Variants in RORA observed in about 807,000 individuals in gnomAD.
RORA encodes RAR related orphan receptor A.
Under a neutral mutation model 69.5 loss-of-function variants are expected in RORA, and 7 were observed. That is an observed-to-expected ratio of 0.10 (90% CI 0.06 to 0.19). The LOEUF is 0.19. Ranked by LOEUF, RORA falls within the 10% of genes least tolerant of loss-of-function variation. RORA has a pLI of 1.00. For missense variants in RORA, 457 were observed against 663.0 expected (o/e 0.69, Z 3.41); for synonymous variants, 261 against 240.8 (o/e 1.08, Z -0.78).
intron 2 of RORA, among the ~76,000 whole-genome samples, chr15:60,594,582 G>A (rs2068626856): frequency 1.3e-5 from 2 of 152,196 alleles, no homozygotes. Flanking sequence ...TAGCTCTAGC[G>A]TGCCTTGTGA....
At chr15:61,067,214 C>A (rs879641475) in intron 1 of RORA, among the ~76,000 whole-genome samples, 1 of 151,324 alleles carries the variant, frequency 6.6e-6, no homozygotes, top group African/African-American at 2.4e-5. Flanking sequence ...CGGGTTCAAG[C>A]GATTCTCCTG....
At chr15:60,692,958 G>A (rs530272186) in intron 1 of RORA, among the ~76,000 whole-genome samples, 3 of 152,302 alleles carry the variant, frequency 2.0e-5, no homozygotes, top group Admixed American at 6.5e-5. Flanking sequence ...TATGAGGCCA[G>A]CATCATCCTG....
intron 1 of RORA, among the ~76,000 whole-genome samples, chr15:60,694,689 C>T (rs1427024631): frequency 6.6e-6 from 1 of 152,176 alleles, no homozygotes; most frequent in Non-Finnish European, 1.5e-5. Flanking sequence ...GCATGTGGAT[C>T]AATCCTGCCA....
chr15:60,511,656 T>A lies in RORA; in HGVS notation c.425-35A>T. 1 of 1,549,866 alleles carries A rather than the reference T, an allele frequency of 6.5e-7. No individual in the cohort carries two copies. The highest frequency in any genetic ancestry group is 8.7e-7 in the Non-Finnish European group (1 of 1,149,874). On this transcript the variant is annotated intron_variant, in intron 4 of 10. Transcript: ENST00000335670. This position sits in a 1 kb window ranked among gnomAD's most constrained non-coding sequence, Gnocchi z 6.4. ...AAAAGCCAAACCATACTACATACAA[T>A]GCGCTTTTCTTCAATATTCTCTCCT...
intron 1 of RORA, among the ~76,000 whole-genome samples, chr15:61,079,834 G>C (rs958887745): frequency 6.6e-6 from 1 of 152,182 alleles, no homozygotes; most frequent in Non-Finnish European, 1.5e-5. Context: ...TGAAGAGCTC[G>C]TGTTTTGAAT....
intron 1 of RORA, among the ~76,000 whole-genome samples, chr15:60,920,007 C>T (rs1407048933): frequency 6.6e-6 from 1 of 152,102 alleles, no homozygotes; most frequent in Non-Finnish European, 1.5e-5. Flanking sequence ...ACTGTGCTAA[C>T]TGCATACGAA....
At chr15:61,197,623 T>G (rs1225941502) in intron 1 of RORA, among the ~76,000 whole-genome samples, 1 of 152,098 alleles carries the variant, frequency 6.6e-6, no homozygotes, top group Non-Finnish European at 1.5e-5. Flanking sequence ...CTCCGTCAGG[T>G]GAGGCTGAGA....
rs769183586 is a variant in RORA at position 61,151,479 on chromosome 15, T to G, written c.166+77574A>C. ...CTAATCATTATTAAGTCATAATTTT[T>G]GGGTACCAAATGAAGCTTACTAGGC... On this transcript the variant is annotated intron_variant, in intron 1 of 10. Coordinates refer to ENST00000335670, the MANE Select transcript of RORA (RefSeq NM_134261.3). Among the ~76,000 whole-genome samples the G allele has an allele frequency of 7.5e-4, 114 of 152,354 alleles. 1 individual carries two copies. Among genetic ancestry groups the G allele is most frequent in the Admixed American group, 3.4e-3 (52 of 15,300 alleles).
chr15:60,597,589 T>TATAC lies in RORA; in HGVS notation c.197-65739_197-65738insGTAT, dbSNP rs1555435998. Among the ~76,000 whole-genome samples the TATAC allele has an allele frequency of 4.8e-4, 11 of 22,888 alleles. 3 individuals carry two copies. Among genetic ancestry groups the TATAC allele is most frequent in the South Asian group, 5.2e-3 (2 of 386 alleles). The allele number at this position is 22,888 out of a possible 152,430, so 15.0% of individuals were successfully genotyped here. On this transcript the variant is annotated intron_variant, in intron 2 of 10. Transcript: ENST00000335670. ...ATATATATATACACATATATATATA[T>TATAC]ATATACACATATATATATATATATA...
At chr15:60,718,946 G>C (rs771258591) in intron 1 of RORA, among the ~76,000 whole-genome samples, 8 of 152,112 alleles carry the variant, frequency 5.3e-5, no homozygotes, top group Non-Finnish European at 8.8e-5. Flanking sequence ...AGGCTCCCGT[G>C]CCGTTCTGAA....
At chr15:61,222,986 AC>A (rs1055840652) in intron 1 of RORA, among the ~76,000 whole-genome samples, 11 of 152,298 alleles carry the variant, frequency 7.2e-5, no homozygotes, top group African/African-American at 2.6e-4. Context: ...TAAATAACTT[AC>A]TTGAAAATAT....
chr15:60,518,752 C>T (rs1335019823), intron 3 of RORA, among the ~76,000 whole-genome samples: 1 of 152,204 alleles, frequency 6.6e-6, no homozygotes, highest in African/African-American at 2.4e-5. Context: ...GTGGAAAACA[C>T]CATGGAGGCT....
chr15:60,584,512 G>A (rs2140495096), intron 2 of RORA, among the ~76,000 whole-genome samples: 1 of 152,304 alleles, frequency 6.6e-6, no homozygotes, highest in South Asian at 2.1e-4. Flanking sequence ...GACTAAGTGT[G>A]GCTGCCAACT....
In RORA at chr15:60,545,319, A is replaced by T. The variant is rs116432274; in HGVS notation, c.197-13468T>A. On this transcript the variant is annotated intron_variant, in intron 2 of 10. Transcript: ENST00000335670. ...AACACACCCACCAACAATGAGACGA[A>T]TGGCTAGCACTTATGAGGAATTATT... is the stretch of plus-strand genomic sequence containing the variant. Among the ~76,000 whole-genome samples, 772 of 152,310 alleles carry T rather than the reference A, an allele frequency of 5.1e-3. 3 individuals carry two copies. Among genetic ancestry groups the T allele is most frequent in the African/African-American group, 0.017 (727 of 41,564 alleles).
intron 1 of RORA, among the ~76,000 whole-genome samples, chr15:60,678,900 G>A (rs1267347066): frequency 6.6e-6 from 1 of 152,196 alleles, no homozygotes; most frequent in East Asian, 1.9e-4. Context: ...CCTGGTTTAA[G>A]AGGTTCTGTG....
chr15:60,851,848 A>G (rs948642185), intron 1 of RORA, among the ~76,000 whole-genome samples: 3 of 151,956 alleles, frequency 2.0e-5, no homozygotes, highest in African/African-American at 7.3e-5. Context: ...CCAATGACGT[A>G]AGTTCTGAGA....
chr15:60,642,620 G>A (rs2069963413), intron 2 of RORA, among the ~76,000 whole-genome samples: 1 of 152,204 alleles, frequency 6.6e-6, no homozygotes, highest in African/African-American at 2.4e-5. Flanking sequence ...GCTCGGCATA[G>A]TGGTTCACAC....
intron 1 of RORA, among the ~76,000 whole-genome samples, chr15:61,115,617 G>A (rs1032698270): frequency 1.3e-5 from 2 of 152,148 alleles, no homozygotes; most frequent in Admixed American, 6.5e-5. Flanking sequence ...CTGCCTTCCC[G>A]GAGAAGTACC....
At chr15:60,786,529 A>G (rs1204393254) in intron 1 of RORA, among the ~76,000 whole-genome samples, 2 of 152,174 alleles carry the variant, frequency 1.3e-5, no homozygotes, top group African/African-American at 2.4e-5. Flanking sequence ...GAAGACAGAG[A>G]TGGGGCTACT....
Sources: allele counts gnomAD v4.1 joint callset (sites outside exome capture counted in the v4.1 genomes callset), GRCh38; gene constraint gnomAD v4.1.1; non-coding constraint Gnocchi (gnomAD v3.1); transcripts MANE v1.5; gene names NCBI Gene and HGNC (gene_info 2026-07-23, HGNC 2026-07-21).